RXRG: variants seen among roughly 807,000 people sequenced by gnomAD.
RXRG encodes retinoic acid receptor RXR-gamma.
RXRG carries 19 observed loss-of-function variants against 49.2 expected under a neutral mutation model. That is an observed-to-expected ratio of 0.39 (90% CI 0.27 to 0.57). RXRG has a LOEUF of 0.57. RXRG is among the 20% of genes least tolerant of loss of function. The probability of loss-of-function intolerance (pLI) is 0.64; values close to 1 mark genes in which losing one functional copy is unlikely to be tolerated. For missense variants in RXRG, 452 were observed against 592.5 expected, an observed-to-expected ratio of 0.76 and a Z score of 2.46; for synonymous variants, 224 against 216.6, an observed-to-expected ratio of 1.03 and a Z score of -0.30.
intron 4 of RXRG, among the ~76,000 whole-genome samples, chr1:165,416,281 C>G (rs1240476136): frequency 4.6e-5 from 7 of 152,086 alleles, no homozygotes; most frequent in Non-Finnish European, 2.9e-5. Flanking sequence ...TAATTAACTG[C>G]CCACTTCAAT....
chr1:165,417,913 G>A (rs2101720590), intron 3 of RXRG, among the ~76,000 whole-genome samples: 1 of 151,936 alleles, frequency 6.6e-6, no homozygotes, highest in South Asian at 2.1e-4. Context: ...AGACCAGCCT[G>A]GCCAACATGG....
Position 165,428,858 on chromosome 1 carries a change from G to A in RXRG, c.158C>T (p.Pro53Leu), listed in dbSNP as rs773692997. The change falls in exon 2 of 10, where the codon CCA becomes CTA. Residue 53 changes from proline (P) to leucine (L), a missense_variant. By Grantham distance (98) the Pro-to-Leu change is moderately conservative. Transcript: ENST00000359842. The part of the protein sequence containing the change: ...PSYTDTPVSA[P>L]RTLSAVGTPL... ...GGTCCCCACTGCACTCAGAGTCCGTGGGGCACTCACTGGGGTATCTGTGTA... is the reference window on the plus strand; with the variant it reads ...GGTCCCCACTGCACTCAGAGTCCGTAGGGCACTCACTGGGGTATCTGTGTA... 6.2e-7 allele frequency: 1 copy of A among 1,614,180 alleles called. No individual in the cohort carries two copies. Among genetic ancestry groups the A allele is most frequent in the South Asian group, 1.1e-5 (1 of 91,086 alleles).
intron 9 of RXRG, among the ~76,000 whole-genome samples, chr1:165,403,617 C>T (rs1213436616): frequency 6.6e-6 from 1 of 152,182 alleles, no homozygotes; most frequent in Non-Finnish European, 1.5e-5. Flanking sequence ...ATTTGAGTGG[C>T]ATCACCATTC....
At chr1:165,418,787 A>G (rs1415908826) in intron 3 of RXRG, among the ~76,000 whole-genome samples, 1 of 152,254 alleles carries the variant, frequency 6.6e-6, no homozygotes, top group Non-Finnish European at 1.5e-5. Flanking sequence ...TAGACTTTCA[A>G]CTAGAATAAG....
At chr1:165,441,768 C>G (rs1408486867) in intron 1 of RXRG, among the ~76,000 whole-genome samples, 1 of 152,180 alleles carries the variant, frequency 6.6e-6, no homozygotes, top group African/African-American at 2.4e-5. Flanking sequence ...TTCTAAGAGG[C>G]AGCAACTGTC....
chr1:165,408,220 C>T lies in RXRG; in HGVS notation c.1138+7G>A, dbSNP rs774505886. On this transcript the variant is annotated splice_region_variant and intron_variant, in intron 8 of 9. Transcript: ENST00000359842. ...ACACACATCCCCTGGGGTTGAAGGGCGGTTACCTGGGTTAAAGAGTACAAT... is the reference window on the plus strand; with the variant it reads ...ACACACATCCCCTGGGGTTGAAGGGTGGTTACCTGGGTTAAAGAGTACAAT... The T allele has an allele frequency of 1.2e-5, 19 of 1,609,328 alleles. No homozygotes were observed. Among genetic ancestry groups the T allele is most frequent in the African/African-American group, 5.3e-5 (4 of 74,820 alleles).
intron 7 of RXRG, among the ~76,000 whole-genome samples, chr1:165,408,867 G>A (rs971314963): frequency 2.5e-4 from 38 of 152,206 alleles, no homozygotes; most frequent in Admixed American, 2.0e-4. Context: ...GATGGAGGTA[G>A]AAAGGGACAA....
At position 165,401,130 on chromosome 1, in the gene RXRG, T is replaced by TA. The variant is rs3215856; in HGVS notation, c.*132_*133insT. The TA allele has an allele frequency of 0.14, 111,742 of 780,964 alleles. 11,279 individuals are homozygous for TA. Among genetic ancestry groups the TA allele is most frequent in the African/African-American group, 0.39 (22,657 of 57,518 alleles). The allele number at this position is 780,964 out of a possible 1,614,324, so 48.4% of individuals were successfully genotyped here. ...TAAAAGTCTCATGTGTAGAAAGGTT[T>TA]TCTTTATTATAAGCATCACATTTTG... On this transcript the variant is annotated 3_prime_UTR_variant, in exon 10 of 10. Transcript: ENST00000359842.
chr1:165,424,234 G>A lies in RXRG; in HGVS notation c.298-4220C>T, dbSNP rs977311802. On this transcript the variant is annotated intron_variant, in intron 2 of 9. Transcript: ENST00000359842. Reference sequence around the variant, plus strand: ...TCACTCCACTTAGATGCTCCCCAGGGCAGGGATTAAATCTCATACACATTT... The same window carrying A: ...TCACTCCACTTAGATGCTCCCCAGGACAGGGATTAAATCTCATACACATTT... Among the ~76,000 whole-genome samples, 12 of 152,304 alleles carry A rather than the reference G, an allele frequency of 7.9e-5. No individual in the cohort carries two copies. The East Asian group carries it at 2.3e-3, about 29-fold the overall frequency.
intron 3 of RXRG, among the ~76,000 whole-genome samples, chr1:165,418,438 T>C (rs927415249): frequency 3.9e-5 from 6 of 152,234 alleles, no homozygotes; most frequent in Admixed American, 1.3e-4. Context: ...TGTGATGTCA[T>C]TGAGTTACAG....
chr1:165,401,598 C>G (rs955735893), intron 9 of RXRG, among the ~76,000 whole-genome samples, 188 bp from the exon 10 acceptor site: 1 of 152,226 alleles, frequency 6.6e-6, no homozygotes, highest in South Asian at 2.1e-4. Context: ...GGCTTGTCAG[C>G]CTTAACAGAA....
intron 6 of RXRG, among the ~76,000 whole-genome samples, chr1:165,410,185 C>T (rs1657898912): frequency 6.6e-6 from 1 of 152,114 alleles, no homozygotes; most frequent in African/African-American, 2.4e-5. Flanking sequence ...GACTGGTTCC[C>T]AATGCTCAGC....
intron 1 of RXRG, among the ~76,000 whole-genome samples, chr1:165,437,987 G>A (rs1658865705): frequency 6.6e-6 from 1 of 152,162 alleles, no homozygotes; most frequent in Admixed American, 6.5e-5. Context: ...TTTGCAGCAG[G>A]CCTTAAAAGG....
chr1:165,401,152 T>G lies in RXRG; in HGVS notation c.*111A>C. 1 of 963,236 alleles carries G rather than the reference T, an allele frequency of 1.0e-6. No individual in the cohort carries two copies. Among genetic ancestry groups the G allele is most frequent in the Non-Finnish European group, 1.6e-6 (1 of 635,070 alleles). 59.7% of individuals were successfully genotyped at this position (963,236 alleles called of 1,614,324 possible). A position where few individuals can be genotyped will look rare whatever the true frequency, so the allele number is the denominator to read the frequency against. On this transcript the variant is annotated 3_prime_UTR_variant, in exon 10 of 10. Coordinates refer to ENST00000359842, the MANE Select transcript of RXRG (RefSeq NM_006917.5). Reference sequence around the variant, plus strand: ...GTTTTCTTTATTATAAGCATCACATTTTGGGGACAGGAAGGGGGTCAGGGT... The same window carrying G: ...GTTTTCTTTATTATAAGCATCACATGTTGGGGACAGGAAGGGGGTCAGGGT...
intron 1 of RXRG, chr1:165,436,808 T>C: frequency 1.6e-6 from 1 of 607,744 alleles, no homozygotes; most frequent in Non-Finnish European, 2.1e-6. Context: ...TTGGCCTCTT[T>C]TATCAGCTAC....
intron 1 of RXRG, 148 bp downstream of exon 1, chr1:165,444,697 A>ACG: frequency 1.5e-6 from 1 of 683,754 alleles, no homozygotes; most frequent in South Asian, 1.9e-5. Flanking sequence ...GTGCACACAC[A>ACG]CGCTGAAACG....
chr1:165,425,672 A>G (rs1436071558), intron 2 of RXRG, among the ~76,000 whole-genome samples: 1 of 152,198 alleles, frequency 6.6e-6, no homozygotes, highest in East Asian at 1.9e-4. Flanking sequence ...TGGGGGTGGC[A>G]TAAATACATG....
chr1:165,436,839 A>G, intron 1 of RXRG: 1 of 874,974 alleles, frequency 1.1e-6, no homozygotes, highest in Non-Finnish European at 1.4e-6. Flanking sequence ...TGGGGACAGA[A>G]GTGGGGGACA....
chr1:165,433,715 G>C (rs1658743665), intron 1 of RXRG, among the ~76,000 whole-genome samples: 1 of 152,166 alleles, frequency 6.6e-6, no homozygotes, highest in Non-Finnish European at 1.5e-5. Flanking sequence ...GTAGGACATG[G>C]CTTGTTGGCA....
Sources: gnomAD v4.1 joint callset for allele counts (sites outside exome capture counted in the v4.1 genomes callset) on GRCh38, gnomAD v4.1.1 for gene constraint, MANE v1.5 for transcripts, NCBI Gene and HGNC (gene_info 2026-07-23, HGNC 2026-07-21) for gene names.